Variants in SLC2A4 observed in about 807,000 individuals in gnomAD.
SLC2A4 encodes the protein solute carrier family 2 member 4.
Under a neutral mutation model 53.3 loss-of-function variants are expected in SLC2A4, and 31 were observed. The ratio of observed to expected loss-of-function variants is 0.58; its 90% CI spans 0.44 to 0.78. The LOEUF is 0.78. Ranked by LOEUF, SLC2A4 falls within the 30% of genes least tolerant of loss-of-function variation. The pLI is 0.00. For synonymous variants in SLC2A4, 276 were observed against 281.9 expected (o/e 0.98, Z 0.21); for missense variants, 538 against 655.7 (o/e 0.82, Z 1.96).
chr17:7,284,806 C>T lies in SLC2A4; in HGVS notation c.916-29C>T. On this transcript the variant is annotated intron_variant, in intron 7 of 10. Coordinates refer to ENST00000317370, the MANE Select transcript of SLC2A4 (RefSeq NM_001042.3). This position sits in a 1 kb window ranked among gnomAD's most constrained non-coding sequence, Gnocchi z 7.5. ...GGAGTAGAGGAAGGGGCATTCCTGC[C>T]ATCACTTCTTCTTCTCCCCCACCTC... 6.2e-7 allele frequency: 1 copy of T among 1,613,854 alleles called. No individual in the cohort carries two copies.
At position 7,282,338 on chromosome 17, in the gene SLC2A4, G is replaced by A. The variant is rs2072409388; in HGVS notation, c.33+371G>A. On this transcript the variant is annotated intron_variant, in intron 1 of 10. Coordinates refer to ENST00000317370, the MANE Select transcript of SLC2A4 (RefSeq NM_001042.3). This position sits in a 1 kb window ranked among gnomAD's most constrained non-coding sequence, Gnocchi z 4.1. ...GAGCTGTCCGTCCGTCTTCGCTCACGGGCAGTGTTTCGAGGACCGGAGGCT... is the reference window on the plus strand; with the variant it reads ...GAGCTGTCCGTCCGTCTTCGCTCACAGGCAGTGTTTCGAGGACCGGAGGCT... The A allele has an allele frequency of 1.0e-5, 5 of 486,732 alleles. No homozygotes were observed. Among genetic ancestry groups the A allele is most frequent in the South Asian group, 6.2e-5 (4 of 64,806 alleles). 30.2% of individuals were successfully genotyped at this position (486,732 alleles called of 1,614,324 possible).
chr17:7,284,327 G>C lies in SLC2A4; in HGVS notation c.675G>C (p.Glu225Asp). The C allele has an allele frequency of 6.2e-7, 1 of 1,614,136 alleles. No homozygotes were observed. Among genetic ancestry groups the C allele is most frequent in the Non-Finnish European group, 8.5e-7 (1 of 1,180,040 alleles). Residue 225 changes from glutamate (E) to aspartate (D), a missense_variant, in exon 6 of 11, where the codon GAG becomes GAC. Coordinates refer to ENST00000317370, the MANE Select transcript of SLC2A4 (RefSeq NM_001042.3). This position sits in a 1 kb window ranked among gnomAD's most constrained non-coding sequence, Gnocchi z 7.5. ...LQLVLLPFCP[E>D]SPRYLYIIQN... ...TGGTCCTGCTGCCCTTCTGTCCCGA[G>C]AGCCCCCGCTACCTCTACATCATCC...
rs373915708 is a variant in SLC2A4 at position 7,283,435 on chromosome 17, G to A, written c.151-38G>A. On this transcript the variant is annotated intron_variant, in intron 2 of 10. Transcript: ENST00000317370. This position sits in a 1 kb window ranked among gnomAD's most constrained non-coding sequence, Gnocchi z 5.8. ...GGTGTCTCGGGGGTGGTGGAAAGGG[G>A]ACGGTCTGCAGGAAATCTGTCCTCT... The A allele has an allele frequency of 6.2e-7, 1 of 1,612,928 alleles. No homozygotes were observed. The highest frequency in any genetic ancestry group is 8.5e-7 in the Non-Finnish European group (1 of 1,179,426).
Position 7,283,558 on chromosome 17 carries a change from C to A in SLC2A4, c.236C>A (p.Thr79Asn), listed in dbSNP as rs8192703. The A allele has an allele frequency of 6.2e-7, 1 of 1,613,988 alleles. No individual in the cohort carries two copies. Among genetic ancestry groups the A allele is most frequent in the African/African-American group, 1.3e-5 (1 of 74,914 alleles). The change falls in exon 3 of 11, where the codon ACC (threonine) becomes AAC (asparagine). Residue 79 changes from threonine (T) to asparagine (N), a missense_variant. Thr to Asn is a moderately conservative substitution (Grantham distance 65, BLOSUM62 0). Transcript: ENST00000317370. This position sits in a 1 kb window ranked among gnomAD's most constrained non-coding sequence, Gnocchi z 5.8. ...TCCATCCCTCCAGGCACCCTCACCACCCTCTGGGCCCTCTCCGTGGCCATC... is the reference window on the plus strand; with the variant it reads ...TCCATCCCTCCAGGCACCCTCACCAACCTCTGGGCCCTCTCCGTGGCCATC... ...PSSIPPGTLT[T>N]LWALSVAIFS...
In SLC2A4 at chr17:7,282,137, A is replaced by G. The variant is rs1013690646; in HGVS notation, c.33+170A>G. On this transcript the variant is annotated intron_variant, in intron 1 of 10. Transcript: ENST00000317370. This position sits in a 1 kb window ranked among gnomAD's most constrained non-coding sequence, Gnocchi z 4.1. ...GACAACCCGTGACTGTGAGATTCCAATCCTACCAAAAGGCAGAGTGGGTCT... is the reference window on the plus strand; with the variant it reads ...GACAACCCGTGACTGTGAGATTCCAGTCCTACCAAAAGGCAGAGTGGGTCT... 1 of 668,708 alleles carries G rather than the reference A, an allele frequency of 1.5e-6. No homozygotes were observed. The highest frequency in any genetic ancestry group is 1.7e-5 in the South Asian group (1 of 60,414). 41.4% of individuals were successfully genotyped at this position (668,708 alleles called of 1,614,324 possible).
In SLC2A4 at chr17:7,282,192, T is replaced by G; in HGVS notation, c.33+225T>G. On this transcript the variant is annotated intron_variant, in intron 1 of 10. Coordinates refer to ENST00000317370, the MANE Select transcript of SLC2A4 (RefSeq NM_001042.3). The surrounding 1 kb of genome is among the most constrained non-coding windows in gnomAD (Gnocchi z 4.1). ...GGCCTTTCGGGGCACAGGCAGCAAG[T>G]GGATTCTGCGAGCCAGGGTTCACCC... 1 of 624,572 alleles carries G rather than the reference T, an allele frequency of 1.6e-6. No homozygotes were observed. Among genetic ancestry groups the G allele is most frequent in the Non-Finnish European group, 2.9e-6 (1 of 342,894 alleles). The allele number at this position is 624,572 out of a possible 1,614,324, so 38.7% of individuals were successfully genotyped here.
At position 7,285,692 on chromosome 17, in the gene SLC2A4, G is replaced by T; in HGVS notation, c.1123-13G>T. On this transcript the variant is annotated splice_polypyrimidine_tract_variant and intron_variant, in intron 9 of 10. Coordinates refer to ENST00000317370, the MANE Select transcript of SLC2A4 (RefSeq NM_001042.3). This position sits in a 1 kb window ranked among gnomAD's most constrained non-coding sequence, Gnocchi z 6.0. ...CTCAACTGGATTCTCCACCCTCCCT[G>T]TCTGGCCCCTAGGAGCGAGTTCCAG... The T allele has an allele frequency of 6.2e-7, 1 of 1,613,962 alleles. No individual in the cohort carries two copies. The highest frequency in any genetic ancestry group is 8.5e-7 in the Non-Finnish European group (1 of 1,179,804).
rs1195749468 is a variant in SLC2A4, at chr17:7,286,879, C to G, written c.*250C>G. 3.1e-5 allele frequency: 15 copies of G among 488,540 alleles called. No individual in the cohort carries two copies. Among genetic ancestry groups the G allele is most frequent in the Non-Finnish European group, 4.5e-5 (12 of 266,362 alleles). 30.3% of individuals were successfully genotyped at this position (488,540 alleles called of 1,614,324 possible). A position where few individuals can be genotyped will look rare whatever the true frequency, so the allele number is the denominator to read the frequency against. ...ATCAGGGTGGGCCACTCTCCCCTCC[C>G]TCTTCCTTCCCCCATCCCCTTTCCT... On this transcript the variant is annotated 3_prime_UTR_variant, in exon 11 of 11. Transcript: ENST00000317370.
In SLC2A4 at chr17:7,286,574, A is replaced by G; in HGVS notation, c.1475A>G (p.Gln492Arg). ...CACCGGACACCCTCTCTTTTAGAGC[A>G]GGAGGTGAAACCCAGCACAGAACTT... Reference protein sequence around the residue: ...AFHRTPSLLEQEVKPSTELEY... With the variant: ...AFHRTPSLLEREVKPSTELEY... The change falls in exon 11 of 11, where the codon CAG becomes CGG. Residue 492 changes from glutamine to arginine, a missense_variant. Gln to Arg is a conservative substitution (Grantham distance 43). Transcript: ENST00000317370. The G allele has an allele frequency of 6.2e-7, 1 of 1,614,202 alleles. No individual in the cohort carries two copies. The highest frequency in any genetic ancestry group is 8.5e-7 in the Non-Finnish European group (1 of 1,180,028).
Position 7,283,178 on chromosome 17 carries a change from C to G in SLC2A4, c.34-67C>G. On this transcript the variant is annotated intron_variant, in intron 1 of 10. Transcript: ENST00000317370. This position sits in a 1 kb window ranked among gnomAD's most constrained non-coding sequence, Gnocchi z 5.8. ...TCTTCAGGCTCCAGCTGGGCCCGGG[C>G]CCCTAGCGGAAGGAAAAAAATCATG... 7.6e-7 allele frequency: 1 copy of G among 1,319,336 alleles called. No homozygotes were observed. Among genetic ancestry groups the G allele is most frequent in the South Asian group, 1.2e-5 (1 of 85,010 alleles). The allele number at this position is 1,319,336 out of a possible 1,614,324, so 81.7% of individuals were successfully genotyped here. A position where few individuals can be genotyped will look rare whatever the true frequency, so the allele number is the denominator to read the frequency against.
chr17:7,281,990 G>A, intron 1 of SLC2A4, 23 bp downstream of exon 1: 1 of 1,554,426 alleles, frequency 6.4e-7, no homozygotes, highest in Admixed American at 1.7e-5. Flanking sequence ...ATGAGGGGGC[G>A]GGGCGGGGGG....
rs35240617 is a variant in SLC2A4, at chr17:7,287,115, GTTTTTT to G, written c.*510_*515del. 10 of 97,844 alleles carry G rather than the reference GTTTTTT, an allele frequency of 1.0e-4. No homozygotes were observed. The highest frequency in any genetic ancestry group is 2.5e-4 in the African/African-American group (6 of 23,918). 6.1% of individuals were successfully genotyped at this position (97,844 alleles called of 1,614,324 possible). ...TGCCACGCAGACTCTGGGCAAAGGGGTTTTTTTTTTTTTTTTTTTTTTTTTTTTTGA... is the reference window on the plus strand; with the variant it reads ...TGCCACGCAGACTCTGGGCAAAGGGGTTTTTTTTTTTTTTTTTTTTTTTGA... On this transcript the variant is annotated 3_prime_UTR_variant, in exon 11 of 11. Transcript: ENST00000317370.
chr17:7,284,688 C>T lies in SLC2A4; in HGVS notation c.915+16C>T, dbSNP rs374133989. ...CATCAATGCTGTATGTGTGGAGCAG[C>T]CTCCAGGCAGGGCACAGCCCCGGGA... On this transcript the variant is annotated intron_variant, in intron 7 of 10. Coordinates refer to ENST00000317370, the MANE Select transcript of SLC2A4 (RefSeq NM_001042.3). The surrounding 1 kb of genome is among the most constrained non-coding windows in gnomAD (Gnocchi z 7.5). The T allele has an allele frequency of 2.5e-5, 41 of 1,613,472 alleles. No homozygotes were observed. The highest frequency in any genetic ancestry group is 3.1e-5 in the Non-Finnish European group (37 of 1,179,818).
chr17:7,281,802 G>A lies in SLC2A4; in HGVS notation c.-133G>A, dbSNP rs5420. ...TTGGCTTGTGGCTGTGGGTCCCATC[G>A]GGCCCGCCCTCGCACGTCACTCCGG... On this transcript the variant is annotated 5_prime_UTR_variant, in exon 1 of 11. Coordinates refer to ENST00000317370, the MANE Select transcript of SLC2A4 (RefSeq NM_001042.3). 1,741 of 898,968 alleles carry A rather than the reference G, an allele frequency of 1.9e-3. 25 individuals are homozygous for A. The African/African-American group carries it at 0.026, about 13-fold the overall frequency. The allele number at this position is 898,968 out of a possible 1,614,324, so 55.7% of individuals were successfully genotyped here. A position where few individuals can be genotyped will look rare whatever the true frequency, so the allele number is the denominator to read the frequency against.
chr17:7,285,890 G>T lies in SLC2A4; in HGVS notation c.1308G>T (p.Met436Ile). The T allele has an allele frequency of 1.2e-6, 2 of 1,613,842 alleles. No individual in the cohort carries two copies. Among genetic ancestry groups the T allele is most frequent in the Non-Finnish European group, 1.7e-6 (2 of 1,179,750 alleles). The change falls in exon 10 of 11, where the codon ATG becomes ATT. Residue 436 changes from methionine to isoleucine, a missense_variant. Physicochemically the swap from Met to Ile is conservative, Grantham distance 10 (BLOSUM62 1). Coordinates refer to ENST00000317370, the MANE Select transcript of SLC2A4 (RefSeq NM_001042.3). The surrounding 1 kb of genome is among the most constrained non-coding windows in gnomAD (Gnocchi z 6.0). ...SNWTSNFIIGMGFQYVAEAMG... is the reference protein window; with the variant it reads ...SNWTSNFIIGIGFQYVAEAMG... ...GGACGAGCAACTTCATCATTGGCAT[G>T]GGTTTCCAGTATGTTGCGGTAGGTC...
In SLC2A4 at chr17:7,283,482, C is replaced by T; in HGVS notation, c.160C>T (p.Gln54Ter). The change falls in exon 3 of 11, where the codon CAG becomes TAG. Residue 54 changes from glutamine to a stop codon, truncating the protein, a stop_gained. Transcript: ENST00000317370. LOFTEE classifies it high-confidence loss of function. The surrounding 1 kb of genome is among the most constrained non-coding windows in gnomAD (Gnocchi z 5.8). ...VINAPQKVIEQSYNETWLGRQ... is the reference protein window; with the variant it reads ...VINAPQKVIE ...CTCTGCTGTCCCCCAGGTGATTGAA[C>T]AGAGCTACAATGAGACGTGGCTGGG... 1 of 1,613,522 alleles carries T rather than the reference C, an allele frequency of 6.2e-7. No homozygotes were observed. The highest frequency in any genetic ancestry group is 8.5e-7 in the Non-Finnish European group (1 of 1,179,666).
rs973219580 is a variant in SLC2A4, at chr17:7,284,829, C to G, written c.916-6C>G. On this transcript the variant is annotated splice_region_variant and splice_polypyrimidine_tract_variant and intron_variant, in intron 7 of 10. Coordinates refer to ENST00000317370, the MANE Select transcript of SLC2A4 (RefSeq NM_001042.3). The surrounding 1 kb of genome is among the most constrained non-coding windows in gnomAD (Gnocchi z 7.5). ...GCCATCACTTCTTCTTCTCCCCCACCTCTAGGTTTTCTATTATTCGACCAG... is the reference window on the plus strand; with the variant it reads ...GCCATCACTTCTTCTTCTCCCCCACGTCTAGGTTTTCTATTATTCGACCAG... The G allele has an allele frequency of 1.4e-5, 22 of 1,614,094 alleles. No individual in the cohort carries two copies. The highest frequency in any genetic ancestry group is 1.8e-5 in the Non-Finnish European group (21 of 1,180,040).
In SLC2A4 at chr17:7,283,249, G is replaced by C. The variant is rs755868694; in HGVS notation, c.38G>C (p.Gly13Ala). 1.6e-5 allele frequency: 26 copies of C among 1,613,322 alleles called. No individual in the cohort carries two copies. The highest frequency in any genetic ancestry group is 2.2e-5 in the Non-Finnish European group (26 of 1,179,404). Residue 13 changes from glycine (G) to alanine (A), a missense_variant, in exon 2 of 11, where the codon GGG becomes GCG. Gly to Ala is a moderately conservative substitution (Grantham distance 60, BLOSUM62 0). Transcript: ENST00000317370. The surrounding 1 kb of genome is among the most constrained non-coding windows in gnomAD (Gnocchi z 5.8). ...TCTTTGTGTCTGCCTGTTCAGGATG[G>C]GGAACCCCCTCAGCAGCGAGTGACT... Reference protein sequence around the residue: ...SGFQQIGSEDGEPPQQRVTGT... With the variant: ...SGFQQIGSEDAEPPQQRVTGT...
Position 7,282,279 on chromosome 17 carries a change from G to C in SLC2A4, c.33+312G>C, listed in dbSNP as rs556469372. ...GGACACCCTGCCCTCGATCCGACTC[G>C]GGAAAGCAGATCCAGGCGGGTCTTG... is the stretch of plus-strand genomic sequence containing the variant. On this transcript the variant is annotated intron_variant, in intron 1 of 10. Coordinates refer to ENST00000317370, the MANE Select transcript of SLC2A4 (RefSeq NM_001042.3). This position sits in a 1 kb window ranked among gnomAD's most constrained non-coding sequence, Gnocchi z 4.1. 1.8e-6 allele frequency: 1 copy of C among 569,480 alleles called. No homozygotes were observed. Among genetic ancestry groups the C allele is most frequent in the East Asian group, 4.0e-5 (1 of 25,116 alleles). The allele number at this position is 569,480 out of a possible 1,614,324, so 35.3% of individuals were successfully genotyped here. A position where few individuals can be genotyped will look rare whatever the true frequency, so the allele number is the denominator to read the frequency against.
Sources: gnomAD v4.1 joint callset for allele counts on GRCh38, gnomAD v4.1.1 for gene constraint, Gnocchi (gnomAD v3.1) non-coding constraint, MANE v1.5 for transcripts, NCBI Gene and HGNC (gene_info 2026-07-23, HGNC 2026-07-21) for gene names.